The following ADGRB3 variants were observed in gnomAD, a reference collection of about 807,000 sequenced individuals.
ADGRB3 encodes the protein brain-specific angiogenesis inhibitor 3.
A neutral mutation model predicts 193.4 loss-of-function variants in ADGRB3; 37 were observed. The ratio of observed to expected loss-of-function variants is 0.19; its 90% confidence interval spans 0.15 to 0.25. ADGRB3 has a LOEUF of 0.25. Ranked by LOEUF, ADGRB3 falls within the 10% of genes least tolerant of loss-of-function variation. The probability of loss-of-function intolerance (pLI) is 1.00; values close to 1 mark genes in which losing one functional copy is unlikely to be tolerated. For missense variants in ADGRB3, 1,637 were observed against 1,852.9 expected (o/e 0.88, Z 2.14); for synonymous variants, 690 against 644.2 (o/e 1.07, Z -1.08).
chr6:69,103,735 T>C (rs2150322713), intron 17 of ADGRB3, among the ~76,000 whole-genome samples: 1 of 151,260 alleles, frequency 6.6e-6, no homozygotes, highest in African/African-American at 2.4e-5. Flanking sequence ...GTCATCTATA[T>C]ATCCAAATTT....
At chr6:68,687,359 A>G (rs1272292551) in intron 3 of ADGRB3, among the ~76,000 whole-genome samples, 2 of 152,152 alleles carry the variant, frequency 1.3e-5, no homozygotes, top group Non-Finnish European at 2.9e-5. Context: ...TAGAAAATAT[A>G]TGTTATGAAA....
chr6:69,168,999 G>T (rs1160146556), intron 17 of ADGRB3, among the ~76,000 whole-genome samples: 4 of 151,700 alleles, frequency 2.6e-5, no homozygotes, highest in Non-Finnish European at 5.9e-5. Flanking sequence ...GTTTTAAAGG[G>T]ATTTACCTTC....
intron 11 of ADGRB3, among the ~76,000 whole-genome samples, chr6:69,001,036 T>G (rs1249952580): frequency 6.6e-6 from 1 of 152,142 alleles, no homozygotes; most frequent in Non-Finnish European, 1.5e-5. Flanking sequence ...GCTTATGATA[T>G]CATTGAAGAA....
At chr6:68,813,053 A>T (rs1767549258) in intron 3 of ADGRB3, among the ~76,000 whole-genome samples, 1 of 152,182 alleles carries the variant, frequency 6.6e-6, no homozygotes, top group Non-Finnish European at 1.5e-5. Flanking sequence ...TGTATCTCCC[A>T]GAATTCCCAC....
At chr6:68,677,523 T>TC (rs1431101545) in intron 3 of ADGRB3, among the ~76,000 whole-genome samples, 1 of 131,256 alleles carries the variant, frequency 7.6e-6, no homozygotes, top group Non-Finnish European at 1.5e-5. Flanking sequence ...CTTTTTTTCT[T>TC]TTTTTTTTTT....
intron 22 of ADGRB3, 46 bp downstream of exon 22, chr6:69,327,935 C>T: frequency 6.6e-7 from 1 of 1,524,306 alleles, no homozygotes; most frequent in African/African-American, 1.4e-5. Flanking sequence ...TTTAACAAAT[C>T]ATCAAAGAGT....
intron 8 of ADGRB3, among the ~76,000 whole-genome samples, chr6:68,970,888 G>A (rs2150263451): frequency 6.6e-6 from 1 of 152,286 alleles, no homozygotes; most frequent in Non-Finnish European, 1.5e-5. Context: ...ACTAGAAGAT[G>A]GATCCAATGG....
chr6:68,961,318 CCAGGCACTGCCAGGACACAG>C (rs1321102355), intron 8 of ADGRB3, among the ~76,000 whole-genome samples: 3 of 152,132 alleles, frequency 2.0e-5, no homozygotes, highest in Non-Finnish European at 4.4e-5. Context: ...TGATGTAAAA[CCAGGCACTGCCAGGACACAG>C]ATCTGCAGTC....
chr6:69,085,029 T>C (rs937043582), intron 17 of ADGRB3, among the ~76,000 whole-genome samples: 1 of 152,092 alleles, frequency 6.6e-6, no homozygotes, highest in Non-Finnish European at 1.5e-5. Context: ...AGTTATTTTT[T>C]AAAGGTATCA....
rs186870529 is a variant in ADGRB3, at chr6:69,211,001, A to G, written c.2481-22289A>G. Among the ~76,000 whole-genome samples, 187 of 151,946 alleles carry G rather than the reference A, an allele frequency of 1.2e-3. 2 individuals carry two copies. In the South Asian group the frequency reaches 0.031, roughly 25 times the overall value. ...ACCAGGCGTGGTGGCAGGCACCTGT[A>G]GTCCCAGCTACGCGGGAGGCTGAGG... is the stretch of plus-strand genomic sequence containing the variant. On this transcript the variant is annotated intron_variant, in intron 17 of 31. Coordinates refer to ENST00000370598, the MANE Select transcript of ADGRB3 (RefSeq NM_001704.3).
At chr6:69,384,960 CT>C (rs11397847) in intron 31 of ADGRB3, among the ~76,000 whole-genome samples, 177 of 141,692 alleles carry the variant, frequency 1.2e-3, no homozygotes, top group African/African-American at 3.4e-3. Context: ...CTTTTCTTTT[CT>C]TTTTTTTTTT....
At chr6:69,372,742 AG>A (rs1769732620) in intron 30 of ADGRB3, among the ~76,000 whole-genome samples, 1 of 151,994 alleles carries the variant, frequency 6.6e-6, no homozygotes, top group African/African-American at 2.4e-5. Flanking sequence ...GTTTGTAGGG[AG>A]GGGGAATGTC....
chr6:69,114,196 C>T (rs1312312267), intron 17 of ADGRB3, among the ~76,000 whole-genome samples: 2 of 152,166 alleles, frequency 1.3e-5, no homozygotes, highest in African/African-American at 2.4e-5. Context: ...GTACTATTAT[C>T]ACCATTTTAC....
rs1444443205 is a variant in ADGRB3, at chr6:69,360,917, C to A, written c.3644C>A (p.Thr1215Lys). The change falls in exon 29 of 32, where the codon ACA becomes AAA. Residue 1215 changes from threonine to lysine, a missense_variant. Around this residue, in one of 7 missense-constraint regions of ADGRB3, gnomAD observed 116 missense variants for 168.1 expected, o/e 0.69. Transcript: ENST00000370598. ...GPCRAATITG[T>K]LSRISLNDDE... ...TGCCGAGCAGCCACAATAACAGGAACACTTTCTAGGATTTCTCTAAATGAT... is the reference window on the plus strand; with the variant it reads ...TGCCGAGCAGCCACAATAACAGGAAAACTTTCTAGGATTTCTCTAAATGAT... 1 of 1,611,968 alleles carries A rather than the reference C, an allele frequency of 6.2e-7. No individual in the cohort carries two copies. Among genetic ancestry groups the A allele is most frequent in the Non-Finnish European group, 8.5e-7 (1 of 1,178,718 alleles).
At chr6:68,734,812 T>C (rs1765841049) in intron 3 of ADGRB3, among the ~76,000 whole-genome samples, 2 of 152,064 alleles carry the variant, frequency 1.3e-5, no homozygotes, top group South Asian at 4.1e-4. Flanking sequence ...TTTAAAGGAA[T>C]GTGGTGTCAT....
rs1769286622 is a variant in ADGRB3 at position 69,354,168 on chromosome 6, C to T, written c.3460-65C>T. ...TAACCACTGCCTCAGAGCTGATTGCCAAGATAGACAGTATCTTGTCATTAT... is the reference window on the plus strand; with the variant it reads ...TAACCACTGCCTCAGAGCTGATTGCTAAGATAGACAGTATCTTGTCATTAT... On this transcript the variant is annotated intron_variant, in intron 26 of 31. Transcript: ENST00000370598. The T allele has an allele frequency of 3.4e-6, 4 of 1,192,318 alleles. No homozygotes were observed. The East Asian group carries it at 7.1e-5, about 21-fold the overall frequency. The allele number at this position is 1,192,318 out of a possible 1,614,324, so 73.9% of individuals were successfully genotyped here. A position where few individuals can be genotyped will look rare whatever the true frequency, so the allele number is the denominator to read the frequency against.
intron 3 of ADGRB3, among the ~76,000 whole-genome samples, chr6:68,926,637 G>A (rs532653516): frequency 1.3e-5 from 2 of 152,180 alleles, no homozygotes; most frequent in Middle Eastern, 3.4e-3. Flanking sequence ...ATGTGAAGTA[G>A]TATTTCCATT....
intron 3 of ADGRB3, among the ~76,000 whole-genome samples, chr6:68,872,243 A>T (rs550349903): frequency 2.0e-4 from 31 of 152,250 alleles, no homozygotes; most frequent in African/African-American, 7.2e-4. Flanking sequence ...TTTGAAGACA[A>T]GTCTTTGCCA....
intron 8 of ADGRB3, among the ~76,000 whole-genome samples, chr6:68,966,328 G>A (rs1004362192): frequency 6.6e-6 from 1 of 151,998 alleles, no homozygotes; most frequent in Non-Finnish European, 1.5e-5. Context: ...CCAAACTGCA[G>A]GCATAGCAAG....
Sources: allele counts gnomAD v4.1 joint callset (sites outside exome capture counted in the v4.1 genomes callset), GRCh38; gene constraint gnomAD v4.1.1; regional missense constraint gnomAD v4.1.1; transcripts MANE v1.5; gene names NCBI Gene and HGNC (gene_info 2026-07-23, HGNC 2026-07-21).